The following COL10A1 variants were observed in gnomAD, a reference collection of about 807,000 sequenced individuals.
The protein encoded by COL10A1 is collagen type X alpha 1 chain.
In COL10A1, 10 loss-of-function variants were observed where a neutral mutation model predicts 18.2. The observed-to-expected ratio is 0.55, with a 90% CI of 0.34 to 0.93. The LOEUF (loss-of-function observed/expected upper bound fraction) is 0.93. COL10A1 is among the 40% of genes least tolerant of loss of function. The pLI is 0.02. For synonymous variants in COL10A1, 330 were observed against 316.6 expected (o/e 1.04, Z -0.45); for missense variants, 897 against 853.5 (o/e 1.05, Z -0.64).
upstream of COL10A1, among the ~76,000 whole-genome samples, chr6:116,158,997 T>G (rs1780270681): frequency 6.6e-6 from 1 of 152,192 alleles, no homozygotes; most frequent in African/African-American, 2.4e-5. Context: ...ATGCTTGCAT[T>G]AGAATAGCTC....
intron 1 of COL10A1, among the ~76,000 whole-genome samples, chr6:116,147,484 G>T (rs575032788): frequency 6.6e-6 from 1 of 151,866 alleles, no homozygotes; most frequent in African/African-American, 2.4e-5. Context: ...CAAACTGGGA[G>T]AAAAATTTCC....
Position 116,119,371 on chromosome 6 carries a change from A to G in COL10A1, c.*702T>C, listed in dbSNP as rs1280932594. ...GTTTCCAAGTTATGCTGGGTATATA[A>G]AAAGCTTCTCTGCAATCATAGAAAA... On this transcript the variant is annotated 3_prime_UTR_variant, in exon 3 of 3. Transcript: ENST00000651968. 1 of 152,438 alleles carries G rather than the reference A, an allele frequency of 6.6e-6. No homozygotes were observed. The highest frequency in any genetic ancestry group is 1.9e-4 in the East Asian group (1 of 5,208). 9.4% of individuals were successfully genotyped at this position (152,438 alleles called of 1,614,324 possible).
the COL10A1 span, among the ~76,000 whole-genome samples, chr6:116,171,697 A>G: frequency 1.6e-4 from 25 of 152,182 alleles, no homozygotes; most frequent in Admixed American, 1.5e-3. Flanking sequence ...CTACTTTTGA[A>G]TTTAAAGATT....
chr6:116,139,809 G>A (rs1779719044), intron 1 of COL10A1, among the ~76,000 whole-genome samples: 1 of 152,086 alleles, frequency 6.6e-6, no homozygotes, highest in East Asian at 1.9e-4. Flanking sequence ...TTCAATGTGA[G>A]GGCCATTTGT....
At chr6:116,211,992 T>C in the COL10A1 span, among the ~76,000 whole-genome samples, 1 of 152,046 alleles carries the variant, frequency 6.6e-6, no homozygotes, top group Non-Finnish European at 1.5e-5. Flanking sequence ...GAACCCAGGC[T>C]TAGGGCATTA....
chr6:116,142,703 A>G (rs1196474602), intron 1 of COL10A1, among the ~76,000 whole-genome samples: 1 of 152,210 alleles, frequency 6.6e-6, no homozygotes, highest in Non-Finnish European at 1.5e-5. Context: ...AGTGAAATAT[A>G]TTAATAGTGT....
the COL10A1 span, among the ~76,000 whole-genome samples, chr6:116,184,144 T>G: frequency 6.6e-6 from 1 of 152,158 alleles, no homozygotes; most frequent in Non-Finnish European, 1.5e-5. Flanking sequence ...CTTTTCTGCA[T>G]CTATTGAGAT....
At position 116,119,149 on chromosome 6, in the gene COL10A1, A is replaced by T. The variant is rs1377966460; in HGVS notation, c.*924T>A. 1 of 152,672 alleles carries T rather than the reference A, an allele frequency of 6.5e-6. No individual in the cohort carries two copies. Among genetic ancestry groups the T allele is most frequent in the Non-Finnish European group, 1.5e-5 (1 of 68,040 alleles). The allele number at this position is 152,672 out of a possible 1,614,324, so 9.5% of individuals were successfully genotyped here. A position where few individuals can be genotyped will look rare whatever the true frequency, so the allele number is the denominator to read the frequency against. ...TAAAAATACAGTACAGTGCATAAATAAATAATATATCTCCACTTCTAGTCG... is the reference window on the plus strand; with the variant it reads ...TAAAAATACAGTACAGTGCATAAATTAATAATATATCTCCACTTCTAGTCG... On this transcript the variant is annotated 3_prime_UTR_variant, in exon 3 of 3. Transcript: ENST00000651968.
At chr6:116,140,489 G>A (rs190768970) in intron 1 of COL10A1, among the ~76,000 whole-genome samples, 178 of 152,116 alleles carry the variant, frequency 1.2e-3, no homozygotes, top group Non-Finnish European at 5.6e-4. Context: ...TATGCTAAAG[G>A]TGAGGGATAT....
chr6:116,191,134 A>G, the COL10A1 span, among the ~76,000 whole-genome samples: 1 of 151,732 alleles, frequency 6.6e-6, no homozygotes, highest in Non-Finnish European at 1.5e-5. Context: ...TTTTTAATGT[A>G]GGGTGTGATT....
At chr6:116,191,808 A>T in the COL10A1 span, among the ~76,000 whole-genome samples, 5 of 152,014 alleles carry the variant, frequency 3.3e-5, no homozygotes, top group African/African-American at 1.2e-4. Context: ...CAGTATTTAT[A>T]TATTTGTATT....
At chr6:116,137,403 G>C (rs1209970285) in intron 1 of COL10A1, 1 of 156,432 alleles carries the variant, frequency 6.4e-6, no homozygotes, top group Non-Finnish European at 1.4e-5. Context: ...AGGGAAATCA[G>C]ATATCAGTGC....
chr6:116,141,885 AACACACAC>A lies in COL10A1; in HGVS notation c.-15-16386_-15-16379del, dbSNP rs3051942. 4.9e-3 allele frequency among the ~76,000 whole-genome samples: 688 copies of A among 140,386 alleles called. 2 individuals carry two copies. The highest frequency in any genetic ancestry group is 8.3e-3 in the African/African-American group (311 of 37,466). 92.1% of individuals were successfully genotyped at this position (140,386 alleles called of 152,430 possible). A position where few individuals can be genotyped will look rare whatever the true frequency, so the allele number is the denominator to read the frequency against. ...GTAAAAGATTTTCTGCCAAAAAGAAAACACACACACACACACACACACACACACACACA... is the reference window on the plus strand; with the variant it reads ...GTAAAAGATTTTCTGCCAAAAAGAAAACACACACACACACACACACACACA... On this transcript the variant is annotated intron_variant, in intron 1 of 1. Coordinates refer to the COL10A1 transcript ENST00000418500.
chr6:116,126,331 A>G (rs1378980679), upstream of COL10A1, among the ~76,000 whole-genome samples: 2 of 152,090 alleles, frequency 1.3e-5, no homozygotes, highest in Non-Finnish European at 2.9e-5. Flanking sequence ...TCTTAAATAT[A>G]TATTAATAGT....
chr6:116,155,987 A>T lies in COL10A1; in HGVS notation c.-16+2627T>A, dbSNP rs1780183418. 2.6e-5 allele frequency among the ~76,000 whole-genome samples: 4 copies of T among 152,192 alleles called. No homozygotes were observed. In the South Asian group the frequency reaches 8.3e-4, roughly 31 times the overall value. ...GTTGGGAATGGGCTAGAAAAAAATT[A>T]CATTGACTTGAATCAAGTTCAAGAG... On this transcript the variant is annotated intron_variant, in intron 1 of 1. Coordinates refer to the COL10A1 transcript ENST00000418500.
Position 116,121,699 on chromosome 6 carries a change from G to T in COL10A1, c.417C>A (p.Gly139=). The T allele has an allele frequency of 6.2e-7, 1 of 1,613,988 alleles. No individual in the cohort carries two copies. Among genetic ancestry groups the T allele is most frequent in the South Asian group, 1.1e-5 (1 of 91,044 alleles). Residue 139 remains glycine, a synonymous_variant, in exon 3 of 3, where the codon GGC becomes GGA. Coordinates refer to ENST00000651968, the MANE Select transcript of COL10A1 (RefSeq NM_000493.4). ...VGPAGLPGPR[G]PPGPPGIPGP... ...CAGGGATTCCAGGTGGTCCTGGTGG[G>T]CCCCGGGGTCCTGGTAGGCCAGCTG...
chr6:116,176,668 C>T, the COL10A1 span, among the ~76,000 whole-genome samples: 1 of 152,142 alleles, frequency 6.6e-6, no homozygotes, highest in Non-Finnish European at 1.5e-5. Context: ...TTTTCCCAAC[C>T]ACATATTGTC....
chr6:116,178,735 T>C, the COL10A1 span, among the ~76,000 whole-genome samples: 3 of 152,208 alleles, frequency 2.0e-5, no homozygotes, highest in African/African-American at 4.8e-5. Context: ...ATAAAACCTC[T>C]TGATTGATGC....
intron 1 of COL10A1, among the ~76,000 whole-genome samples, chr6:116,132,726 C>A (rs1405938292): frequency 1.3e-5 from 2 of 152,138 alleles, no homozygotes; most frequent in Non-Finnish European, 2.9e-5. Context: ...CTAATGTGTT[C>A]ACCCCCTGTT....
Sources: allele counts gnomAD v4.1 joint callset (sites outside exome capture counted in the v4.1 genomes callset), GRCh38; gene constraint gnomAD v4.1.1; transcripts MANE v1.5; gene names NCBI Gene and HGNC (gene_info 2026-07-23, HGNC 2026-07-21).